The following SYNPO variants were observed in gnomAD, a reference collection of about 807,000 sequenced individuals.
SYNPO encodes synaptopodin.
In SYNPO, 19 loss-of-function variants were observed where a neutral mutation model predicts 49.5. The observed-to-expected ratio is 0.38, with a 90% CI of 0.27 to 0.56. The LOEUF (loss-of-function observed/expected upper bound fraction) is 0.56, where lower values mean the gene tolerates loss of function less well. Among genes scored for constraint, SYNPO ranks in the 20% least tolerant of loss-of-function variants. The pLI is 0.68. For missense variants in SYNPO, 1,131 were observed against 1,248.3 expected, an observed-to-expected ratio of 0.91 and a Z score of 1.42; for synonymous variants, 536 against 548.0, an observed-to-expected ratio of 0.98 and a Z score of 0.31.
upstream of SYNPO, among the ~76,000 whole-genome samples, chr5:150,597,377 G>A (rs1248188133): frequency 6.6e-6 from 1 of 152,198 alleles, no homozygotes; most frequent in East Asian, 1.9e-4. Flanking sequence ...TGTTGCCCAT[G>A]CTGGAGTGCA....
rs1268022110 is a variant in SYNPO at position 150,650,123 on chromosome 5, C to T, written c.1848C>T (p.Pro616=). ...ALPPSPALPR[P]SRSSPGLYTS... is the part of the protein sequence containing the mutation. Reference sequence around the variant, plus strand: ...CTCCATCTCCTGCCCTGCCTCGGCCCTCGCGCTCCTCACCGGGCCTCTACA... The same window carrying T: ...CTCCATCTCCTGCCCTGCCTCGGCCTTCGCGCTCCTCACCGGGCCTCTACA... Residue 616 remains proline (P), a synonymous_variant, in exon 2 of 3, where the codon CCC becomes CCT. Coordinates refer to ENST00000307662, the MANE Select transcript of SYNPO (RefSeq NM_007286.6). 2.5e-6 allele frequency: 4 copies of T among 1,612,594 alleles called. No homozygotes were observed. The highest frequency in any genetic ancestry group is 2.7e-5 in the African/African-American group (2 of 74,546).
upstream of SYNPO, among the ~76,000 whole-genome samples, chr5:150,598,663 T>C (rs1159272665): frequency 2.0e-5 from 3 of 152,240 alleles, no homozygotes; most frequent in African/African-American, 7.2e-5. Flanking sequence ...GGAAACTTGC[T>C]ATTGCAGAGC....
At chr5:150,641,910 G>T (rs377611637) in intron 1 of SYNPO, among the ~76,000 whole-genome samples, 8 of 152,222 alleles carry the variant, frequency 5.3e-5, no homozygotes, top group East Asian at 3.8e-4. Flanking sequence ...GAGCACTGGA[G>T]CCTCTCTTGT....
intron 2 of SYNPO, among the ~76,000 whole-genome samples, chr5:150,618,924 C>T (rs541810553): frequency 2.0e-5 from 3 of 152,234 alleles, no homozygotes; most frequent in South Asian, 2.1e-4. Context: ...GAGATAGGAG[C>T]GACAGCGAGC....
chr5:150,657,380 A>G lies in SYNPO; in HGVS notation c.*293A>G. ...CACAAACGTCAAAATTCCCCTTCCCATCAGTACACACACCGATGCACACAC... is the reference window on the plus strand; with the variant it reads ...CACAAACGTCAAAATTCCCCTTCCCGTCAGTACACACACCGATGCACACAC... On this transcript the variant is annotated 3_prime_UTR_variant, in exon 3 of 3. Coordinates refer to ENST00000307662, the MANE Select transcript of SYNPO (RefSeq NM_007286.6). The G allele has an allele frequency of 4.8e-6, 2 of 419,506 alleles. No homozygotes were observed. Among genetic ancestry groups the G allele is most frequent in the Admixed American group, 3.7e-5 (1 of 26,952 alleles). 26.0% of individuals were successfully genotyped at this position (419,506 alleles called of 1,614,324 possible).
chr5:150,648,086 G>A lies in SYNPO; in HGVS notation c.-190G>A. The A allele has an allele frequency of 6.4e-7, 1 of 1,551,796 alleles. No individual in the cohort carries two copies. On this transcript the variant is annotated 5_prime_UTR_variant, in exon 2 of 3. Transcript: ENST00000307662. The surrounding 1 kb of genome is among the most constrained non-coding windows in gnomAD (Gnocchi z 5.0). ...TCTTCAACAGGCGCCGGCAGAGGGT[G>A]AACGAGTTCACCTTGGAGAGCCACG... is the stretch of plus-strand genomic sequence containing the variant.
At chr5:150,650,571 A>G (rs1758340230) in intron 2 of SYNPO, 8 of 1,454,740 alleles carry the variant, frequency 5.5e-6, no homozygotes, top group African/African-American at 1.4e-5. Flanking sequence ...AGCGGGGAGG[A>G]GGGTCATGGA....
At chr5:150,647,892 CCT>C in intron 1 of SYNPO, 50 bp from the exon 2 acceptor site, 3 of 1,503,192 alleles carry the variant, frequency 2.0e-6, no homozygotes, top group East Asian at 4.9e-5. Context: ...TCCGTGCACC[CCT>C]GTGTCACTGC....
At chr5:150,622,851 T>C (rs1757223700) in intron 2 of SYNPO, among the ~76,000 whole-genome samples, 1 of 152,230 alleles carries the variant, frequency 6.6e-6, no homozygotes, top group Middle Eastern at 3.2e-3. Context: ...CAGGTTCACA[T>C]ACACCTCACC....
chr5:150,657,428 TCTCTCACACACACACACA>T lies in SYNPO; in HGVS notation c.*343_*360del, dbSNP rs1339340419. ...CACACTCTCTCTTTCTCTCTCTCTC[TCTCTCACACACACACACA>T]CACACACACACACACACACACACAC... On this transcript the variant is annotated 3_prime_UTR_variant, in exon 3 of 3. Transcript: ENST00000307662. 12 of 169,330 alleles carry T rather than the reference TCTCTCACACACACACACA, an allele frequency of 7.1e-5. No homozygotes were observed. The East Asian group carries it at 1.2e-3, about 17-fold the overall frequency. 10.5% of individuals were successfully genotyped at this position (169,330 alleles called of 1,614,324 possible). A position where few individuals can be genotyped will look rare whatever the true frequency, so the allele number is the denominator to read the frequency against.
chr5:150,622,912 C>G (rs1341082624), intron 2 of SYNPO, among the ~76,000 whole-genome samples: 1 of 152,208 alleles, frequency 6.6e-6, no homozygotes, highest in African/African-American at 2.4e-5. Flanking sequence ...ACACATGTAT[C>G]TACACATGAT....
At chr5:150,651,865 C>T (rs1036428539) in intron 2 of SYNPO, 16 of 1,000,344 alleles carry the variant, frequency 1.6e-5, no homozygotes, top group Non-Finnish European at 1.8e-5. Context: ...TATGATACAG[C>T]CCCCGACCAA....
chr5:150,647,482 C>T (rs1467375320), intron 1 of SYNPO, among the ~76,000 whole-genome samples: 1 of 152,140 alleles, frequency 6.6e-6, no homozygotes, highest in East Asian at 1.9e-4. Flanking sequence ...AAGATTATTC[C>T]AAGGAGAGCG....
the SYNPO span, among the ~76,000 whole-genome samples, chr5:150,589,624 T>TCAGTATGTG: frequency 4.6e-5 from 7 of 152,186 alleles, no homozygotes; most frequent in African/African-American, 2.4e-5. Context: ...TGCATTTAAT[T>TCAGTATGTG]CAGTATGTGT....
chr5:150,651,244 C>T (rs1256122961), intron 2 of SYNPO: 2 of 1,002,574 alleles, frequency 2.0e-6, no homozygotes, highest in African/African-American at 1.7e-5. Flanking sequence ...TAAAAGAAGC[C>T]ACCTCAGCGC....
chr5:150,649,818 C>T lies in SYNPO; in HGVS notation c.1543C>T (p.Leu515=). The T allele has an allele frequency of 6.2e-7, 1 of 1,610,430 alleles. No individual in the cohort carries two copies. The highest frequency in any genetic ancestry group is 1.1e-5 in the South Asian group (1 of 91,090). The change falls in exon 2 of 3, where the codon CTG becomes TTG. Residue 515 remains leucine, a synonymous_variant. Transcript: ENST00000307662. The part of the protein sequence containing the change: ...LARCPSPTMS[L]PSSWKYPTNA... ...CCGCTGCCCATCACCTACCATGTCC[C>T]TGCCTTCCTCCTGGAAATACCCCAC... is the stretch of plus-strand genomic sequence containing the variant.
At chr5:150,628,582 GCTA>G (rs1757437969) in intron 2 of SYNPO, among the ~76,000 whole-genome samples, 1 of 152,194 alleles carries the variant, frequency 6.6e-6, no homozygotes, top group East Asian at 1.9e-4. Flanking sequence ...AAAAAAATGA[GCTA>G]CCATTTAGGT....
chr5:150,627,581 A>G (rs1260094012), intron 2 of SYNPO, among the ~76,000 whole-genome samples: 1 of 152,186 alleles, frequency 6.6e-6, no homozygotes, highest in East Asian at 1.9e-4. Context: ...AATCATCAAG[A>G]TAATTTCAGA....
upstream of SYNPO, among the ~76,000 whole-genome samples, chr5:150,636,397 C>G (rs576425140): frequency 1.2e-3 from 176 of 152,314 alleles, no homozygotes; most frequent in Non-Finnish European, 2.2e-3. Flanking sequence ...GCACCACACT[C>G]TAGGAACCAC....
Sources: gnomAD v4.1 joint callset for allele counts (sites outside exome capture counted in the v4.1 genomes callset) on GRCh38, gnomAD v4.1.1 for gene constraint, Gnocchi (gnomAD v3.1) non-coding constraint, MANE v1.5 for transcripts, NCBI Gene and HGNC (gene_info 2026-07-23, HGNC 2026-07-21) for gene names.